Variants in EPB41L1 observed in about 807,000 individuals in gnomAD.
EPB41L1 encodes the protein band 4.1-like protein 1.
In EPB41L1, 29 loss-of-function variants were observed where a neutral mutation model predicts 97.8. The ratio of observed to expected loss-of-function variants is 0.30; its 90% confidence interval spans 0.22 to 0.40. The LOEUF (loss-of-function observed/expected upper bound fraction) is 0.40, where lower values mean the gene tolerates loss of function less well. Ranked by LOEUF, EPB41L1 falls within the 10% of genes least tolerant of loss-of-function variation. The pLI is 1.00. For synonymous variants in EPB41L1, 383 were observed against 459.2 expected (o/e 0.83, Z 2.12); for missense variants, 812 against 1,162.3 (o/e 0.70, Z 4.38).
intron 2 of EPB41L1, among the ~76,000 whole-genome samples, chr20:36,117,107 TCCCTC>T (rs2058608826): frequency 6.6e-6 from 1 of 152,114 alleles, no homozygotes; most frequent in African/African-American, 2.4e-5. Flanking sequence ...AACTGCCCCT[TCCCTC>T]CCCTGCTCTT....
intron 19 of EPB41L1, among the ~76,000 whole-genome samples, chr20:36,220,972 G>T (rs2063746123): frequency 6.6e-6 from 1 of 152,192 alleles, no homozygotes; most frequent in Admixed American, 6.5e-5. Flanking sequence ...ACAGGATTCA[G>T]CACTTTCTCA....
In EPB41L1 at chr20:36,190,185, C is replaced by A; in HGVS notation, c.1027-92C>A. ...ATCGAGACCCTGTGTCTCAAAAAAACATTAAACAAATAAAATAAAAAACAC... is the reference window on the plus strand; with the variant it reads ...ATCGAGACCCTGTGTCTCAAAAAAAAATTAAACAAATAAAATAAAAAACAC... On this transcript the variant is annotated intron_variant, in intron 9 of 21. Coordinates refer to ENST00000338074, the MANE Select transcript of EPB41L1 (RefSeq NM_012156.2). The surrounding 1 kb of genome is among the most constrained non-coding windows in gnomAD (Gnocchi z 5.8). The A allele has an allele frequency of 1.8e-6, 2 of 1,082,158 alleles. No homozygotes were observed. The highest frequency in any genetic ancestry group is 2.8e-6 in the Non-Finnish European group (2 of 717,756). 67.0% of individuals were successfully genotyped at this position (1,082,158 alleles called of 1,614,324 possible). A position where few individuals can be genotyped will look rare whatever the true frequency, so the allele number is the denominator to read the frequency against.
At chr20:36,193,609 A>G (rs2062057342) in intron 11 of EPB41L1, among the ~76,000 whole-genome samples, 1 of 152,228 alleles carries the variant, frequency 6.6e-6, no homozygotes, top group South Asian at 2.1e-4. Flanking sequence ...AGTGAGTGAG[A>G]AAGGTGTTAT....
chr20:36,208,026 TG>T (rs2062924326), intron 14 of EPB41L1, among the ~76,000 whole-genome samples: 1 of 152,206 alleles, frequency 6.6e-6, no homozygotes, highest in African/African-American at 2.4e-5. Context: ...TGGTGTGACC[TG>T]GTGCCCAGAG....
In EPB41L1 at chr20:36,217,633, T is replaced by C. The variant is rs528545870; in HGVS notation, c.2269-1243T>C. On this transcript the variant is annotated intron_variant, in intron 17 of 21. Coordinates refer to ENST00000338074, the MANE Select transcript of EPB41L1 (RefSeq NM_012156.2). ...CTTCCCAGAATGATGCTAGGATTCA[T>C]AGGGGTTAGTGGCTGTTAAGGGGAA... 2.4e-4 allele frequency among the ~76,000 whole-genome samples: 36 copies of C among 152,210 alleles called. No individual in the cohort carries two copies. In the South Asian group the frequency reaches 7.5e-3, roughly 32 times the overall value.
chr20:36,160,733 C>G (rs1198519130), intron 1 of EPB41L1, among the ~76,000 whole-genome samples: 2 of 152,122 alleles, frequency 1.3e-5, no homozygotes, highest in African/African-American at 2.4e-5. Context: ...ACATACAAAC[C>G]AGAATGGGAT....
Position 36,222,403 on chromosome 20 carries a change from C to T in EPB41L1, c.2637+9C>T. ...GGGACAAGAAGCCACAGGTAAGGCTCCTGAGGCCCAGCAACCATGAGAGAG... is the reference window on the plus strand; with the variant it reads ...GGGACAAGAAGCCACAGGTAAGGCTTCTGAGGCCCAGCAACCATGAGAGAG... On this transcript the variant is annotated intron_variant, in intron 21 of 21. Transcript: ENST00000338074. 1 of 1,605,156 alleles carries T rather than the reference C, an allele frequency of 6.2e-7. No homozygotes were observed. Among genetic ancestry groups the T allele is most frequent in the Non-Finnish European group, 8.5e-7 (1 of 1,172,288 alleles).
At chr20:36,117,354 T>A (rs557563627) in intron 2 of EPB41L1, among the ~76,000 whole-genome samples, 134 of 152,278 alleles carry the variant, frequency 8.8e-4, no homozygotes, top group Non-Finnish European at 4.0e-4. Context: ...AGTCCCTGGA[T>A]TTCTCCAATC....
intron 14 of EPB41L1, among the ~76,000 whole-genome samples, chr20:36,203,101 A>G (rs2062592412): frequency 6.6e-6 from 1 of 152,196 alleles, no homozygotes; most frequent in Admixed American, 6.5e-5. Context: ...CTACCCTAAG[A>G]TTATCCCATC....
intron 1 of EPB41L1, among the ~76,000 whole-genome samples, chr20:36,110,045 G>A (rs1030471531): frequency 6.6e-6 from 1 of 151,420 alleles, no homozygotes; most frequent in Non-Finnish European, 1.5e-5. Context: ...GGGTTCAAGC[G>A]ATTCTCCTGC....
chr20:36,175,552 G>C lies in EPB41L1; in HGVS notation c.179G>C (p.Ser60Thr). 1 of 1,614,194 alleles carries C rather than the reference G, an allele frequency of 6.2e-7. No homozygotes were observed. Among genetic ancestry groups the C allele is most frequent in the Non-Finnish European group, 8.5e-7 (1 of 1,180,034 alleles). ...SQQDTRPAEQSLDMEEKDYSE... is the reference protein window; with the variant it reads ...SQQDTRPAEQTLDMEEKDYSE... ...CTATTCCCTTGCTTGGTCCTGCAGAGCCTAGACATGGAGGAGAAGGACTAC... is the reference window on the plus strand; with the variant it reads ...CTATTCCCTTGCTTGGTCCTGCAGACCCTAGACATGGAGGAGAAGGACTAC... Residue 60 changes from serine (S) to threonine (T), a missense_variant and splice_region_variant, in exon 3 of 22, where the codon AGC (serine) becomes ACC (threonine). Coordinates refer to ENST00000338074, the MANE Select transcript of EPB41L1 (RefSeq NM_012156.2).
At chr20:36,129,278 T>C (rs1402950160) in intron 2 of EPB41L1, among the ~76,000 whole-genome samples, 1 of 152,112 alleles carries the variant, frequency 6.6e-6, no homozygotes, top group East Asian at 1.9e-4. Context: ...CAGGCTCTTG[T>C]ACGTGAGGCC....
intron 1 of EPB41L1, among the ~76,000 whole-genome samples, chr20:36,109,186 A>T (rs535347250): frequency 3.0e-4 from 45 of 151,956 alleles, no homozygotes; most frequent in African/African-American, 1.1e-3. Context: ...TGACGTCATG[A>T]TCCGCCTGCC....
At chr20:36,226,532 G>A (rs947975247) in intron 21 of EPB41L1, among the ~76,000 whole-genome samples, 3 of 152,104 alleles carry the variant, frequency 2.0e-5, no homozygotes, top group Non-Finnish European at 4.4e-5. Context: ...AACCCAATCT[G>A]TTAGACTCCA....
At chr20:36,097,205 G>A (rs913744189) in intron 1 of EPB41L1, among the ~76,000 whole-genome samples, 3 of 152,208 alleles carry the variant, frequency 2.0e-5, no homozygotes, top group African/African-American at 7.2e-5. Context: ...TCCCCTTTTG[G>A]CACGTGTCCA....
At position 36,206,769 on chromosome 20, in the gene EPB41L1, A is replaced by G. The variant is rs2062839731; in HGVS notation, c.1669-2719A>G. 1 of 1,289,684 alleles carries G rather than the reference A, an allele frequency of 7.8e-7. No homozygotes were observed. The allele number at this position is 1,289,684 out of a possible 1,614,324, so 79.9% of individuals were successfully genotyped here. On this transcript the variant is annotated intron_variant, in intron 14 of 21. Transcript: ENST00000338074. This position sits in a 1 kb window ranked among gnomAD's most constrained non-coding sequence, Gnocchi z 5.5. The stretch of plus-strand genomic sequence containing the variant: ...AAGATGCCCAGTGGGGAGTGGAAGG[A>G]GAGTTTCCCCACCTGACAGCCAGCG...
At chr20:36,112,187 G>C (rs896391334) in intron 1 of EPB41L1, among the ~76,000 whole-genome samples, 1 of 152,162 alleles carries the variant, frequency 6.6e-6, no homozygotes, top group Non-Finnish European at 1.5e-5. Context: ...TTACAATAAA[G>C]AGCGAATCTT....
chr20:36,138,372 TCTC>T (rs1038956005), intron 2 of EPB41L1, among the ~76,000 whole-genome samples: 1 of 151,798 alleles, frequency 6.6e-6, no homozygotes, highest in African/African-American at 2.4e-5. Flanking sequence ...TTCAAGCAGT[TCTC>T]CTGCCTCAGC....
chr20:36,199,252 G>GA (rs2146567747), intron 14 of EPB41L1, among the ~76,000 whole-genome samples: 1 of 152,048 alleles, frequency 6.6e-6, no homozygotes, highest in African/African-American at 2.4e-5. Context: ...CCAGAAAGAG[G>GA]AAGGACTTAT....
Sources: gnomAD v4.1 joint callset for allele counts (sites outside exome capture counted in the v4.1 genomes callset) on GRCh38, gnomAD v4.1.1 for gene constraint, Gnocchi (gnomAD v3.1) non-coding constraint, MANE v1.5 for transcripts, NCBI Gene and HGNC (gene_info 2026-07-23, HGNC 2026-07-21) for gene names.